Variants in ITGB4 observed in about 807,000 individuals in gnomAD.
ITGB4 encodes the protein integrin beta-4.
A neutral mutation model predicts 207.6 loss-of-function variants in ITGB4; 159 were observed. The ratio of observed to expected loss-of-function variants is 0.77; its 90% CI spans 0.67 to 0.87. The LOEUF (loss-of-function observed/expected upper bound fraction) is 0.87. ITGB4 is among the 40% of genes least tolerant of loss of function. The pLI is 0.00. For missense variants in ITGB4, 2,278 were observed against 2,546.8 expected (o/e 0.89, Z 2.27); for synonymous variants, 1,020 against 1,062.7 (o/e 0.96, Z 0.78).
chr17:75,733,801 C>A, intron 13 of ITGB4, 109 bp downstream of exon 13: 1 of 1,262,130 alleles, frequency 7.9e-7, no homozygotes, highest in Non-Finnish European at 1.1e-6. Context: ...GAATCAGAAT[C>A]CCCAAGTTCA....
At chr17:75,728,769 G>A (rs2060782307) in intron 6 of ITGB4, among the ~76,000 whole-genome samples, 1 of 152,128 alleles carries the variant, frequency 6.6e-6, no homozygotes, top group African/African-American at 2.4e-5. Flanking sequence ...TGGATCACGA[G>A]GTCAGGAGAT....
rs772969882 is a variant in ITGB4 at position 75,732,003 on chromosome 17, G to C, written c.1377+30G>C. On this transcript the variant is annotated intron_variant, in intron 11 of 39. Coordinates refer to ENST00000200181, the MANE Select transcript of ITGB4 (RefSeq NM_000213.5). This position sits in a 1 kb window ranked among gnomAD's most constrained non-coding sequence, Gnocchi z 5.3. ...AACGCAGCCCCGCAGGGCGGGAGGGGAGAGCTGAGCCAAGCACCCAGGGAC... is the reference window on the plus strand; with the variant it reads ...AACGCAGCCCCGCAGGGCGGGAGGGCAGAGCTGAGCCAAGCACCCAGGGAC... 6.2e-7 allele frequency: 1 copy of C among 1,613,856 alleles called. No individual in the cohort carries two copies. Among genetic ancestry groups the C allele is most frequent in the Admixed American group, 1.7e-5 (1 of 60,028 alleles).
intron 27 of ITGB4, among the ~76,000 whole-genome samples, chr17:75,749,761 G>A (rs1253755093): frequency 6.6e-6 from 1 of 152,214 alleles, no homozygotes; most frequent in Non-Finnish European, 1.5e-5. Flanking sequence ...CTGGGAGAAA[G>A]CCTGCCAGGA....
Position 75,722,643 on chromosome 17 carries a change from G to A in ITGB4, c.-11+1031G>A, listed in dbSNP as rs1000353070. 1.3e-5 allele frequency among the ~76,000 whole-genome samples: 2 copies of A among 152,148 alleles called. No homozygotes were observed. Among genetic ancestry groups the A allele is most frequent in the Non-Finnish European group, 2.9e-5 (2 of 68,018 alleles). ...GGAAGGGCCTGGGTCCCTGAGGGGAGGAGATGTGACAGCGGGAGAGGATAG... is the reference window on the plus strand; with the variant it reads ...GGAAGGGCCTGGGTCCCTGAGGGGAAGAGATGTGACAGCGGGAGAGGATAG... On this transcript the variant is annotated intron_variant, in intron 1 of 39. Transcript: ENST00000200181. This position sits in a 1 kb window ranked among gnomAD's most constrained non-coding sequence, Gnocchi z 6.2.
At position 75,727,323 on chromosome 17, in the gene ITGB4, A is replaced by G. The variant is rs746420073; in HGVS notation, c.162+46A>G. 3.7e-6 allele frequency: 6 copies of G among 1,612,400 alleles called. No individual in the cohort carries two copies. The highest frequency in any genetic ancestry group is 5.1e-6 in the Non-Finnish European group (6 of 1,178,700). On this transcript the variant is annotated intron_variant, in intron 3 of 39. Transcript: ENST00000200181. This position sits in a 1 kb window ranked among gnomAD's most constrained non-coding sequence, Gnocchi z 6.0. Reference sequence around the variant, plus strand: ...GGTGTGGAACAGGCAAGGGTCGGGAATAGCTGGTGGAAATGAATCTAGGGT... The same window carrying G: ...GGTGTGGAACAGGCAAGGGTCGGGAGTAGCTGGTGGAAATGAATCTAGGGT...
chr17:75,751,717 G>A (rs2061371042), intron 30 of ITGB4: 1 of 233,386 alleles, frequency 4.3e-6, no homozygotes, highest in South Asian at 5.2e-5. Flanking sequence ...CTCCAGACAG[G>A]GTGACAGAGC....
intron 34 of ITGB4, chr17:75,755,124 G>A (rs779394400): frequency 3.5e-5 from 56 of 1,610,298 alleles, no homozygotes; most frequent in South Asian, 2.4e-4. Flanking sequence ...TCCCGGAGTC[G>A]GGCTCAGATG....
Position 75,729,228 on chromosome 17 carries a change from C to T in ITGB4, c.567-37C>T, listed in dbSNP as rs1166468907. On this transcript the variant is annotated intron_variant, in intron 6 of 39. Coordinates refer to ENST00000200181, the MANE Select transcript of ITGB4 (RefSeq NM_000213.5). This position sits in a 1 kb window ranked among gnomAD's most constrained non-coding sequence, Gnocchi z 4.4. Reference sequence around the variant, plus strand: ...GGCACTGGGGTCTGCGGCGTCTTCCCCCTGTGACACTCTCTCTCCCTCCCA... The same window carrying T: ...GGCACTGGGGTCTGCGGCGTCTTCCTCCTGTGACACTCTCTCTCCCTCCCA... 6.2e-7 allele frequency: 1 copy of T among 1,607,252 alleles called. No individual in the cohort carries two copies. The highest frequency in any genetic ancestry group is 8.5e-7 in the Non-Finnish European group (1 of 1,174,308).
At chr17:75,751,989 G>GTCCA in intron 30 of ITGB4, 185 bp from the exon 31 acceptor site, 1 of 743,222 alleles carries the variant, frequency 1.3e-6, no homozygotes, top group African/African-American at 1.7e-5. Context: ...GGTGACATAT[G>GTCCA]TCCACGCCAG....
rs764799295 is a variant in ITGB4 at position 75,748,992 on chromosome 17, T to G, written c.3263T>G (p.Phe1088Cys). 6.2e-7 allele frequency: 1 copy of G among 1,613,158 alleles called. No homozygotes were observed. The highest frequency in any genetic ancestry group is 8.5e-7 in the Non-Finnish European group (1 of 1,179,986). Residue 1088 changes from phenylalanine to cysteine, a missense_variant, in exon 27 of 40, where the codon TTT (phenylalanine) becomes TGT (cysteine). Phe to Cys is a radical substitution (Grantham distance 205). Coordinates refer to ENST00000200181, the MANE Select transcript of ITGB4 (RefSeq NM_000213.5). ...RFHVQLSNPKFGAHLGQPHST... is the reference protein window; with the variant it reads ...RFHVQLSNPKCGAHLGQPHST... ...CACGTCCAGCTCAGCAACCCTAAGT[T>G]TGGGGCCCACCTGGGCCAGCCCCAC...
At chr17:75,730,588 C>CCCTCCCTCCCTCCCTCCCTCCCTT in intron 8 of ITGB4, 84 bp downstream of exon 8, 3 of 1,194,360 alleles carry the variant, frequency 2.5e-6, no homozygotes, top group Non-Finnish European at 3.6e-6. Context: ...CTCCCTCCCT[C>CCCTCCCTCCCTCCCTCCCTCCCTT]CCTCCCTCCC....
chr17:75,724,190 C>A (rs1206135229), intron 1 of ITGB4, among the ~76,000 whole-genome samples: 1 of 152,212 alleles, frequency 6.6e-6, no homozygotes, highest in East Asian at 1.9e-4. Flanking sequence ...TGTGGCCCAG[C>A]CCCAGGCCCC....
chr17:75,734,184 T>A (rs1401747769), intron 13 of ITGB4, among the ~76,000 whole-genome samples: 2 of 134,192 alleles, frequency 1.5e-5, no homozygotes, highest in African/African-American at 5.9e-5. Flanking sequence ...TCGCCCAGGC[T>A]GGAGTGCAAT....
At chr17:75,741,375 A>G (rs2061105889) in intron 23 of ITGB4, among the ~76,000 whole-genome samples, 1 of 152,096 alleles carries the variant, frequency 6.6e-6, no homozygotes, top group South Asian at 2.1e-4. Flanking sequence ...GGTTACCGAG[A>G]GGATGGGCCA....
intron 13 of ITGB4, among the ~76,000 whole-genome samples, chr17:75,735,742 T>A (rs1358076670): frequency 6.6e-6 from 1 of 152,204 alleles, no homozygotes; most frequent in Non-Finnish European, 1.5e-5. Context: ...TTATACATCT[T>A]ATTTCTTTTT....
In ITGB4 at chr17:75,752,498, C is replaced by G; in HGVS notation, c.4029C>G (p.Tyr1343Ter). ...TGGACGCCCAGAGCGGGGAGGACTA[C>G]GACAGCTTCCTTATGTACAGCGATG... ...PIVDAQSGED[Y>*]DSFLMYSDDV... The change falls in exon 32 of 40, where the codon TAC (tyrosine) becomes TAG (stop). Residue 1343 changes from tyrosine to a stop codon, truncating the protein, a stop_gained. Transcript: ENST00000200181. LOFTEE classifies it high-confidence loss of function. 1 of 1,613,728 alleles carries G rather than the reference C, an allele frequency of 6.2e-7. No homozygotes were observed. Among genetic ancestry groups the G allele is most frequent in the South Asian group, 1.1e-5 (1 of 91,086 alleles).
chr17:75,745,417 T>A (rs4788908), intron 26 of ITGB4, among the ~76,000 whole-genome samples: 116,070 of 151,782 alleles, frequency 0.76, 45,370 homozygotes, highest in East Asian at 0.9. Flanking sequence ...ATTAATTTTT[T>A]AAAAATCAAA....
Position 75,739,519 on chromosome 17 carries a change from C to G in ITGB4, c.2221-153C>G, listed in dbSNP as rs370475132. 6.6e-6 allele frequency among the ~76,000 whole-genome samples: 1 copy of G among 152,086 alleles called. No individual in the cohort carries two copies. The highest frequency in any genetic ancestry group is 1.9e-4 in the East Asian group (1 of 5,188). The stretch of plus-strand genomic sequence containing the variant: ...CATCCCCCTCTATGCCCTTGTGTGC[C>G]ATGCTTACACCCTGCTACCACCTGG... On this transcript the variant is annotated intron_variant, in intron 18 of 39. Coordinates refer to ENST00000200181, the MANE Select transcript of ITGB4 (RefSeq NM_000213.5). The surrounding 1 kb of genome is among the most constrained non-coding windows in gnomAD (Gnocchi z 5.4).
chr17:75,726,795 C>T (rs1020841689), intron 2 of ITGB4, among the ~76,000 whole-genome samples: 6 of 151,242 alleles, frequency 4.0e-5, no homozygotes, highest in African/African-American at 9.7e-5. Flanking sequence ...TACATAAGGC[C>T]GGGCCCGGTG....
Sources: allele counts gnomAD v4.1 joint callset (sites outside exome capture counted in the v4.1 genomes callset), GRCh38; gene constraint gnomAD v4.1.1; non-coding constraint Gnocchi (gnomAD v3.1); transcripts MANE v1.5; gene names NCBI Gene and HGNC (gene_info 2026-07-23, HGNC 2026-07-21).